WWOX: variants seen among roughly 807,000 people sequenced by gnomAD.
WWOX encodes WW domain containing oxidoreductase, also known as WW domain-containing oxidoreductase.
WWOX carries 69 observed loss-of-function variants against 46.2 expected under a neutral mutation model. That is an observed-to-expected ratio of 1.49 (90% confidence interval 1.23 to 1.82). The LOEUF (loss-of-function observed/expected upper bound fraction) is 1.82. Among genes scored for constraint, WWOX ranks in the 40% most tolerant of loss-of-function variants. WWOX has a pLI of 0.00. For missense variants in WWOX, 919 were observed against 542.6 expected, an observed-to-expected ratio of 1.69 and a Z score of -6.89; for synonymous variants, 359 against 202.6, an observed-to-expected ratio of 1.77 and a Z score of -6.56.
At chr16:78,602,366 G>T (rs2045641708) in intron 8 of WWOX, among the ~76,000 whole-genome samples, 1 of 152,112 alleles carries the variant, frequency 6.6e-6, no homozygotes, top group Non-Finnish European at 1.5e-5. Context: ...CTGAGTAGCT[G>T]GGACTAAAGG....
rs529510539 is a variant in WWOX at position 78,996,963 on chromosome 16, G to C, written c.1057-214645G>C. Among the ~76,000 whole-genome samples the C allele has an allele frequency of 2.0e-3, 308 of 152,344 alleles. 1 individual carries two copies. The highest frequency in any genetic ancestry group is 6.7e-3 in the African/African-American group (278 of 41,590). On this transcript the variant is annotated intron_variant, in intron 8 of 8. Transcript: ENST00000566780. ...TCCTCTCCCGCGCCTGGGAGGGCGA[G>C]GTGCGGATCTTTTCGCCTTGGCAGT...
chr16:78,750,976 A>G (rs2049462637), intron 8 of WWOX, among the ~76,000 whole-genome samples: 1 of 152,092 alleles, frequency 6.6e-6, no homozygotes, highest in Non-Finnish European at 1.5e-5. Flanking sequence ...TCTTTTTAGT[A>G]GAGTGATTTA....
chr16:78,960,016 T>G (rs1006805038), intron 8 of WWOX, among the ~76,000 whole-genome samples: 1 of 152,162 alleles, frequency 6.6e-6, no homozygotes, highest in Non-Finnish European at 1.5e-5. Context: ...CAATGACATT[T>G]GTGCTTTAGG....
intron 4 of WWOX, among the ~76,000 whole-genome samples, chr16:78,130,770 A>C (rs1197286534): frequency 6.6e-6 from 1 of 152,212 alleles, no homozygotes; most frequent in Non-Finnish European, 1.5e-5. Context: ...ACTGAGTACC[A>C]GGTGCTAAGA....
At position 79,040,348 on chromosome 16, in the gene WWOX, C is replaced by T. The variant is rs923858892; in HGVS notation, c.1057-171260C>T. 2.0e-5 allele frequency among the ~76,000 whole-genome samples: 3 copies of T among 149,104 alleles called. No individual in the cohort carries two copies. The Admixed American group carries it at 2.0e-4, about 10-fold the overall frequency. On this transcript the variant is annotated intron_variant, in intron 8 of 8. Coordinates refer to ENST00000566780, the MANE Select transcript of WWOX (RefSeq NM_016373.4). ...GGAGTGCGGTGGTGCGATCTCAGCT[C>T]ACTGCCACCTCTGCCTCCCAGGCCC...
At chr16:78,902,950 T>C (rs927386192) in intron 8 of WWOX, among the ~76,000 whole-genome samples, 10 of 152,194 alleles carry the variant, frequency 6.6e-5, no homozygotes, top group South Asian at 2.1e-4. Flanking sequence ...GAGTCGAGGA[T>C]CCACATTCCT....
chr16:79,006,553 A>G (rs2151371450), intron 8 of WWOX, among the ~76,000 whole-genome samples: 1 of 151,160 alleles, frequency 6.6e-6, no homozygotes, highest in South Asian at 2.1e-4. Context: ...TTTGTGAGGC[A>G]CTGTATTTGT....
chr16:78,406,331 TATATATATATATATATATATATA>T lies in WWOX; in HGVS notation c.606-18538_606-18516del, dbSNP rs1419722972. ...ATATATATATATATATATATATATA[TATATATATATATATATATATATA>T]TTTTATTATTTTTTTTTGAGACGGA... On this transcript the variant is annotated intron_variant, in intron 6 of 8. Coordinates refer to ENST00000566780, the MANE Select transcript of WWOX (RefSeq NM_016373.4). Among the ~76,000 whole-genome samples, 223 of 95,050 alleles carry T rather than the reference TATATATATATATATATATATATA, an allele frequency of 2.3e-3. 2 individuals are homozygous for T. Among genetic ancestry groups the T allele is most frequent in the African/African-American group, 0.017 (204 of 12,278 alleles). 62.4% of individuals were successfully genotyped at this position (95,050 alleles called of 152,430 possible). A position where few individuals can be genotyped will look rare whatever the true frequency, so the allele number is the denominator to read the frequency against.
chr16:78,631,437 C>G (rs1359816629), intron 8 of WWOX, among the ~76,000 whole-genome samples: 2 of 151,990 alleles, frequency 1.3e-5, no homozygotes, highest in Non-Finnish European at 2.9e-5. Flanking sequence ...AGAATTAGGA[C>G]AGATGTATGA....
intron 8 of WWOX, among the ~76,000 whole-genome samples, chr16:78,680,589 G>A (rs946745720): frequency 3.3e-5 from 5 of 152,130 alleles, no homozygotes; most frequent in African/African-American, 1.2e-4. Flanking sequence ...GGTAGCCAGT[G>A]GACACGTGGG....
At chr16:78,291,332 G>C (rs1044974209) in intron 5 of WWOX, among the ~76,000 whole-genome samples, 1 of 152,112 alleles carries the variant, frequency 6.6e-6, no homozygotes, top group Non-Finnish European at 1.5e-5. Flanking sequence ...CAGTGTTGGC[G>C]GCCTTTCAGA....
intron 8 of WWOX, among the ~76,000 whole-genome samples, chr16:79,010,220 G>A (rs2047276225): frequency 6.6e-6 from 1 of 152,214 alleles, no homozygotes; most frequent in South Asian, 2.1e-4. Flanking sequence ...TGCTTACCGA[G>A]CATCTGCTGT....
chr16:78,126,655 C>A (rs1456892741), intron 4 of WWOX, among the ~76,000 whole-genome samples: 3 of 152,140 alleles, frequency 2.0e-5, no homozygotes, highest in Non-Finnish European at 4.4e-5. Context: ...AGAGGAAATT[C>A]ACAGAGAAAG....
intron 8 of WWOX, among the ~76,000 whole-genome samples, chr16:78,967,620 T>A (rs1210687024): frequency 1.3e-5 from 2 of 151,924 alleles, no homozygotes; most frequent in Non-Finnish European, 2.9e-5. Context: ...TATGTAGACT[T>A]TTAAAGAAAT....
chr16:79,168,720 T>A (rs2050642622), intron 8 of WWOX, among the ~76,000 whole-genome samples: 1 of 152,104 alleles, frequency 6.6e-6, no homozygotes, highest in Non-Finnish European at 1.5e-5. Flanking sequence ...GGAGGAAAGC[T>A]GGGCAAGGGG....
intron 5 of WWOX, among the ~76,000 whole-genome samples, chr16:78,230,241 A>G (rs2037212435): frequency 6.6e-6 from 1 of 152,170 alleles, no homozygotes; most frequent in Admixed American, 6.6e-5. Flanking sequence ...AAGGTTTGTG[A>G]AAACATTTGA....
At chr16:79,147,908 C>T (rs75904074) in intron 8 of WWOX, among the ~76,000 whole-genome samples, 6 of 152,018 alleles carry the variant, frequency 3.9e-5, no homozygotes, top group East Asian at 1.9e-4. Context: ...GTTTTTTTCT[C>T]ATTTTCTATT....
rs2943768 is a variant in WWOX at position 78,579,017 on chromosome 16, A to T, written c.1056+146265A>T. Among the ~76,000 whole-genome samples, 661 of 152,134 alleles carry T rather than the reference A, an allele frequency of 4.3e-3. 7 individuals are homozygous for T. The highest frequency in any genetic ancestry group is 0.015 in the African/African-American group (632 of 41,476). ...ACATTAGTATTACATTATACATCTT[A>T]GGCATTTTTTTCCTTTGCCCTTTTC... On this transcript the variant is annotated intron_variant, in intron 8 of 8. Transcript: ENST00000566780.
chr16:78,972,215 G>A (rs1343827413), intron 8 of WWOX, among the ~76,000 whole-genome samples: 2 of 152,084 alleles, frequency 1.3e-5, no homozygotes, highest in African/African-American at 4.8e-5. Context: ...GCTTGGAGGG[G>A]CGTTCAGACA....
Sources: gnomAD v4.1 joint callset for allele counts (sites outside exome capture counted in the v4.1 genomes callset) on GRCh38, gnomAD v4.1.1 for gene constraint, MANE v1.5 for transcripts, NCBI Gene and HGNC (gene_info 2026-07-23, HGNC 2026-07-21) for gene names.